The following ANKRD26 variants were observed in gnomAD, a reference collection of about 807,000 sequenced individuals.
ANKRD26 encodes the protein ankyrin repeat domain-containing protein 26.
In ANKRD26, 141 loss-of-function variants were observed where a neutral mutation model predicts 208.7. The ratio of observed to expected loss-of-function variants is 0.68; its 90% CI spans 0.59 to 0.78. The LOEUF (loss-of-function observed/expected upper bound fraction) is 0.78, where lower values mean the gene tolerates loss of function less well. ANKRD26 is among the 30% of genes least tolerant of loss of function. The pLI is 0.00. For synonymous variants in ANKRD26, 636 were observed against 660.4 expected, an observed-to-expected ratio of 0.96 and a Z score of 0.57; for missense variants, 1,889 against 1,938.7, an observed-to-expected ratio of 0.97 and a Z score of 0.48.
At chr10:27,022,527 T>A (rs1190150241) in intron 29 of ANKRD26, 31 bp downstream of exon 29, 1 of 1,444,566 alleles carries the variant, frequency 6.9e-7, no homozygotes, top group Non-Finnish European at 9.6e-7. Flanking sequence ...ATTAAGTGAC[T>A]TTTTTGGTCC....
chr10:27,038,174 T>C, intron 21 of ANKRD26, 120 bp from the exon 22 acceptor site: 1 of 846,956 alleles, frequency 1.2e-6, no homozygotes, highest in Non-Finnish European at 1.8e-6. Context: ...TTCTTGAATA[T>C]TTTTCCTTTC....
chr10:27,081,927 A>C (rs576070014), intron 6 of ANKRD26, among the ~76,000 whole-genome samples: 1 of 151,898 alleles, frequency 6.6e-6, no homozygotes, highest in Non-Finnish European at 1.5e-5. Context: ...TAGTAGAGAC[A>C]GGGTTTCACC....
At chr10:26,982,700 T>C (rs1304405429) in exon 4 of ANKRD26, among the ~76,000 whole-genome samples, 1 of 152,106 alleles carries the variant, frequency 6.6e-6, no homozygotes, top group Non-Finnish European at 1.5e-5. Context: ...AACCTGGAAG[T>C]TGGTTCAGGC....
At chr10:27,018,183 G>C (rs2053367655) in intron 29 of ANKRD26, among the ~76,000 whole-genome samples, 1 of 145,836 alleles carries the variant, frequency 6.9e-6, no homozygotes, top group Non-Finnish European at 1.5e-5. Context: ...CGCCCAGGCT[G>C]GAGTGCAGTG....
intron 15 of ANKRD26, 137 bp downstream of exon 15, chr10:27,060,206 TAA>T: frequency 2.5e-6 from 2 of 799,890 alleles, no homozygotes; most frequent in Non-Finnish European, 2.0e-6. Flanking sequence ...CGGTCTCAAT[TAA>T]AAAAAAATTT....
chr10:27,004,003 CA>C (rs1240409757), downstream of ANKRD26: 1 of 152,028 alleles, frequency 6.6e-6, no homozygotes, highest in Non-Finnish European at 1.5e-5. Flanking sequence ...AACATTGAAC[CA>C]GTGTTAATAT....
chr10:27,007,239 G>A (rs2052921151), intron 32 of ANKRD26, among the ~76,000 whole-genome samples: 1 of 152,158 alleles, frequency 6.6e-6, no homozygotes, highest in African/African-American at 2.4e-5. Flanking sequence ...TCTCTTATTT[G>A]TACAAGTTCA....
At chr10:26,969,221 T>C (rs2052110066), downstream of ANKRD26, among the ~76,000 whole-genome samples, 1 of 152,250 alleles carries the variant, frequency 6.6e-6, no homozygotes, top group Non-Finnish European at 1.5e-5. Context: ...TATGGACCTA[T>C]AGTCATTGAC....
At chr10:26,984,560 A>G (rs1160059002) in intron 3 of ANKRD26, among the ~76,000 whole-genome samples, 2 of 152,218 alleles carry the variant, frequency 1.3e-5, no homozygotes, top group Non-Finnish European at 2.9e-5. Context: ...TCTAGGCTAC[A>G]GATTATGACC....
At chr10:27,075,781 G>C (rs1285455358) in intron 9 of ANKRD26, among the ~76,000 whole-genome samples, 1 of 152,148 alleles carries the variant, frequency 6.6e-6, no homozygotes, top group Non-Finnish European at 1.5e-5. Context: ...CATTCTACCT[G>C]AGAACTGCAG....
the ANKRD26 span, among the ~76,000 whole-genome samples, chr10:26,958,738 ACTCT>A: frequency 6.7e-6 from 1 of 150,262 alleles, no homozygotes; most frequent in African/African-American, 2.4e-5. Flanking sequence ...TGATTCCATG[ACTCT>A]CTATTGTAAA....
chr10:27,095,716 GC>G (rs1464657982), intron 1 of ANKRD26, among the ~76,000 whole-genome samples: 3 of 152,128 alleles, frequency 2.0e-5, no homozygotes, highest in African/African-American at 7.2e-5. Flanking sequence ...AATTGAGATT[GC>G]CCTAATAGTC....
intron 33 of ANKRD26, among the ~76,000 whole-genome samples, chr10:27,006,364 C>CT (rs1318311492): frequency 6.6e-6 from 1 of 152,180 alleles, no homozygotes; most frequent in East Asian, 1.9e-4. Flanking sequence ...AATAACGTCA[C>CT]AAGGACCACA....
intron 31 of ANKRD26, among the ~76,000 whole-genome samples, chr10:27,014,061 G>C (rs1289076076): frequency 6.6e-6 from 1 of 152,140 alleles, no homozygotes; most frequent in Non-Finnish European, 1.5e-5. Context: ...ATCAAGGAAA[G>C]TTCATTTATG....
chr10:27,073,116 A>T (rs2055565832), intron 9 of ANKRD26, among the ~76,000 whole-genome samples: 1 of 152,216 alleles, frequency 6.6e-6, no homozygotes. Flanking sequence ...CCCATGGGAA[A>T]AAAAGAAACC....
At chr10:27,068,701 G>A in intron 9 of ANKRD26, among the ~76,000 whole-genome samples, 1 of 152,074 alleles carries the variant, frequency 6.6e-6, no homozygotes, top group East Asian at 1.9e-4. Context: ...GTAAGCAGGT[G>A]AGTTAGAGCA....
At chr10:26,959,723 GTCC>G in the ANKRD26 span, among the ~76,000 whole-genome samples, 1 of 149,234 alleles carries the variant, frequency 6.7e-6, no homozygotes, top group African/African-American at 2.5e-5. Flanking sequence ...CAAGAGATCT[GTCC>G]TCCTCAGCTT....
chr10:27,059,803 G>A (rs1456197061), intron 15 of ANKRD26, among the ~76,000 whole-genome samples: 1 of 151,850 alleles, frequency 6.6e-6, no homozygotes, highest in Non-Finnish European at 1.5e-5. Flanking sequence ...CTTGAGGCAG[G>A]AGAATTGCTG....
the ANKRD26 span, among the ~76,000 whole-genome samples, chr10:26,959,129 A>C: frequency 1.3e-5 from 2 of 152,110 alleles, no homozygotes; most frequent in Admixed American, 6.5e-5. Context: ...AAATACAAAA[A>C]TTAGCCAGGT....
Sources: allele counts gnomAD v4.1 joint callset (sites outside exome capture counted in the v4.1 genomes callset), GRCh38; gene constraint gnomAD v4.1.1; transcripts MANE v1.5; gene names NCBI Gene and HGNC (gene_info 2026-07-23, HGNC 2026-07-21).